Variants in TTC17 observed in about 807,000 individuals in gnomAD.
TTC17 encodes the protein tetratricopeptide repeat domain 17.
In TTC17, 58 loss-of-function variants were observed where a neutral mutation model predicts 143.8. The ratio of observed to expected loss-of-function variants is 0.40; its 90% confidence interval spans 0.33 to 0.50. TTC17 has a LOEUF of 0.50. Ranked by LOEUF, TTC17 falls within the 20% of genes least tolerant of loss-of-function variation. The pLI is 0.49. For missense variants in TTC17, 1,273 were observed against 1,392.5 expected (o/e 0.91, Z 1.37); for synonymous variants, 501 against 497.8 (o/e 1.01, Z -0.09).
chr11:43,439,631 G>A (rs147975001), intron 16 of TTC17, among the ~76,000 whole-genome samples: 341 of 151,858 alleles, frequency 2.2e-3, no homozygotes, highest in African/African-American at 8.1e-3. Flanking sequence ...ACCACCCCTG[G>A]GCTAATTTTT....
intron 16 of TTC17, among the ~76,000 whole-genome samples, chr11:43,421,758 A>C (rs951182614): frequency 1.1e-4 from 16 of 150,480 alleles, no homozygotes; most frequent in African/African-American, 3.6e-4. Flanking sequence ...GGTGAGTTGT[A>C]TAATAATTTC....
At chr11:43,401,588 T>A (rs759707578) in intron 10 of TTC17, 30 bp downstream of exon 10, 5 of 1,463,134 alleles carry the variant, frequency 3.4e-6, no homozygotes, top group Non-Finnish European at 4.7e-6. Context: ...CTAATTCTTA[T>A]AAACGTTTGC....
intron 21 of TTC17, chr11:43,466,271 AT>A (rs1425946183): frequency 2.0e-5 from 3 of 152,206 alleles, no homozygotes; most frequent in African/African-American, 7.2e-5. Context: ...AAAACATAAA[AT>A]TAATAAGCAT....
chr11:43,391,989 G>A lies in TTC17; in HGVS notation c.663+37G>A, dbSNP rs1294999143. ...GTCACTTAAAGAGCCAGCGGGCTGA[G>A]CCAGCGGGCTCTGTGTAAACAGAAG... On this transcript the variant is annotated intron_variant, in intron 5 of 23. Coordinates refer to ENST00000039989, the MANE Select transcript of TTC17 (RefSeq NM_018259.6). 1.9e-6 allele frequency: 3 copies of A among 1,572,258 alleles called. No individual in the cohort carries two copies. In the African/African-American group the frequency reaches 4.2e-5, roughly 22 times the overall value.
At chr11:43,473,101 G>A (rs886830869) in intron 21 of TTC17, among the ~76,000 whole-genome samples, 1 of 151,772 alleles carries the variant, frequency 6.6e-6, no homozygotes, top group Non-Finnish European at 1.5e-5. Flanking sequence ...CTTGAACCTG[G>A]GAAGCAGAGG....
rs1386097299 is a variant in TTC17 at position 43,442,803 on chromosome 11, A to AT, written c.2252-519dup. On this transcript the variant is annotated intron_variant, in intron 16 of 23. Coordinates refer to ENST00000039989, the MANE Select transcript of TTC17 (RefSeq NM_018259.6). The stretch of plus-strand genomic sequence containing the variant: ...AAAGAAATTATTGTAGTATATTGCT[A>AT]TTTCTTATATCAGCCATTTAGTGAA... Among the ~76,000 whole-genome samples, 13 of 152,176 alleles carry AT rather than the reference A, an allele frequency of 8.5e-5. 1 individual carries two copies. The highest frequency in any genetic ancestry group is 1.9e-4 in the Non-Finnish European group (13 of 68,026).
chr11:43,405,754 A>C, intron 12 of TTC17, 32 bp from the exon 13 acceptor site: 2 of 1,612,406 alleles, frequency 1.2e-6, no homozygotes, highest in Non-Finnish European at 1.7e-6. Context: ...AAACTTTGAA[A>C]ATATGAATCT....
intron 9 of TTC17, among the ~76,000 whole-genome samples, chr11:43,400,515 C>G (rs1480400664): frequency 4.6e-5 from 7 of 152,122 alleles, no homozygotes; most frequent in Non-Finnish European, 1.0e-4. Flanking sequence ...TGAATACAAG[C>G]CAGACCCACC....
chr11:43,379,409 A>AT, intron 2 of TTC17, 87 bp downstream of exon 2: 2 of 1,238,008 alleles, frequency 1.6e-6, no homozygotes, highest in Middle Eastern at 1.9e-4. Context: ...AAAGCATATT[A>AT]TTTTTTAAGT....
At chr11:43,490,854 CAAAAAAAAAAAAAAAA>C (rs57074352) in intron 22 of TTC17, 2 of 66,562 alleles carry the variant, frequency 3.0e-5, no homozygotes, top group East Asian at 6.6e-4. Context: ...ACTTTTTCCA[CAAAAAAAAAAAAAAAA>C]AAAAAAAAAA....
chr11:43,387,341 C>A (rs1487245845), intron 2 of TTC17, among the ~76,000 whole-genome samples: 3 of 152,048 alleles, frequency 2.0e-5, no homozygotes, highest in Non-Finnish European at 2.9e-5. Flanking sequence ...ATAATATAAG[C>A]CTGGTTAAAG....
chr11:43,407,565 C>T lies in TTC17; in HGVS notation c.2052C>T (p.Ile684=). 6.2e-7 allele frequency: 1 copy of T among 1,613,818 alleles called. No individual in the cohort carries two copies. Among genetic ancestry groups the T allele is most frequent in the Non-Finnish European group, 8.5e-7 (1 of 1,179,906 alleles). ...ATKLLLQALA[I]NSSEPLTFLS... is the part of the protein sequence containing the mutation. ...AGCTGCTACTTCAAGCTTTGGCCAT[C>T]AATAGCTCTGAGGTGAGGTTTTAAG... Residue 684 remains isoleucine (I), a synonymous_variant, in exon 15 of 24, where the codon ATC becomes ATT. Transcript: ENST00000039989.
rs375863903 is a variant in TTC17 at position 43,399,872 on chromosome 11, A to G, written c.1059-16A>G. ...TTTATAGCTCTAACTTTTTCCTGGT[A>G]TTAAAAAATGTTAAGATCTCTCCAG... On this transcript the variant is annotated splice_polypyrimidine_tract_variant and intron_variant, in intron 8 of 23. Transcript: ENST00000039989. The G allele has an allele frequency of 7.0e-6, 11 of 1,576,838 alleles. No individual in the cohort carries two copies. The African/African-American group carries it at 1.4e-4, about 20-fold the overall frequency.
intron 1 of TTC17, among the ~76,000 whole-genome samples, chr11:43,377,564 A>G (rs965758287): frequency 1.3e-5 from 2 of 152,176 alleles, no homozygotes. Flanking sequence ...TATCTGGCAA[A>G]GATCTTTGCC....
intron 23 of TTC17, among the ~76,000 whole-genome samples, chr11:43,493,201 A>G (rs554860207): frequency 6.6e-6 from 1 of 152,290 alleles, no homozygotes; most frequent in South Asian, 2.1e-4. Context: ...TAAAAGATTA[A>G]CCTTCAATAT....
rs866400040 is a variant in TTC17, at chr11:43,380,905, C to T, written c.249+1583C>T. Among the ~76,000 whole-genome samples the T allele has an allele frequency of 1.4e-4, 21 of 152,276 alleles. No homozygotes were observed. In the South Asian group the frequency reaches 3.7e-3, roughly 27 times the overall value. On this transcript the variant is annotated intron_variant, in intron 2 of 23. Transcript: ENST00000039989. ...GACAATAGGTATCCTTATAGTGCTT[C>T]ATGCTTGGAAGCATGATCTATTTTT... is the stretch of plus-strand genomic sequence containing the variant.
chr11:43,404,780 C>G (rs1264703394), intron 11 of TTC17, among the ~76,000 whole-genome samples: 1 of 149,924 alleles, frequency 6.7e-6, no homozygotes, highest in Non-Finnish European at 1.5e-5. Flanking sequence ...AGTTTGATAG[C>G]TTGAAGATTT....
chr11:43,408,280 A>G (rs559699760), intron 15 of TTC17, among the ~76,000 whole-genome samples: 1 of 152,342 alleles, frequency 6.6e-6, no homozygotes, highest in East Asian at 1.9e-4. Flanking sequence ...ATGTGCATGA[A>G]TGGTTGAGGT....
At chr11:43,472,360 TATC>T (rs1336060412) in intron 21 of TTC17, among the ~76,000 whole-genome samples, 5 of 152,104 alleles carry the variant, frequency 3.3e-5, no homozygotes, top group African/African-American at 1.2e-4. Context: ...AAAAAAGATA[TATC>T]ATGCAAATAC....
Sources: gnomAD v4.1 joint callset for allele counts (sites outside exome capture counted in the v4.1 genomes callset) on GRCh38, gnomAD v4.1.1 for gene constraint, MANE v1.5 for transcripts, NCBI Gene and HGNC (gene_info 2026-07-23, HGNC 2026-07-21) for gene names.